Variants in RYR2 observed in about 807,000 individuals in gnomAD.
The protein encoded by RYR2 is ryanodine receptor 2.
In RYR2, 227 loss-of-function variants were observed where a neutral mutation model predicts 601.1. The ratio of observed to expected loss-of-function variants is 0.38; its 90% CI spans 0.34 to 0.42. The LOEUF (loss-of-function observed/expected upper bound fraction) is 0.42. Ranked by LOEUF, RYR2 falls within the 10% of genes least tolerant of loss-of-function variation. The probability of loss-of-function intolerance (pLI) is 1.00; values close to 1 mark genes in which losing one functional copy is unlikely to be tolerated. For missense variants in RYR2, 4,646 were observed against 6,156.5 expected (o/e 0.75, Z 8.21); for synonymous variants, 2,223 against 2,175.1 (o/e 1.02, Z -0.61).
chr1:237,459,534 T>C (rs1418379050), intron 16 of RYR2, among the ~76,000 whole-genome samples: 1 of 152,240 alleles, frequency 6.6e-6, no homozygotes, highest in Non-Finnish European at 1.5e-5. Context: ...CAACTCTTTT[T>C]ATAGTCTCTG....
chr1:237,418,480 C>T (rs1368382982), intron 11 of RYR2, among the ~76,000 whole-genome samples: 1 of 152,164 alleles, frequency 6.6e-6, no homozygotes, highest in Non-Finnish European at 1.5e-5. Context: ...CATTCTTGAA[C>T]ACTGTGAGGT....
rs1043049393 is a variant in RYR2 at position 237,623,694 on chromosome 1, G to A, written c.5917-71G>A. The A allele has an allele frequency of 1.1e-5, 11 of 989,994 alleles. No individual in the cohort carries two copies. The African/African-American group carries it at 1.6e-4, about 14-fold the overall frequency. 61.3% of individuals were successfully genotyped at this position (989,994 alleles called of 1,614,324 possible). A position where few individuals can be genotyped will look rare whatever the true frequency, so the allele number is the denominator to read the frequency against. ...GGCATGAGCCACTCCGCCCGGCCCT[G>A]CTGTGCCATTCTTGAATTCACCTTT... On this transcript the variant is annotated intron_variant, in intron 38 of 104. Transcript: ENST00000366574.
intron 6 of RYR2, among the ~76,000 whole-genome samples, chr1:237,370,723 C>T (rs554790271): frequency 4.6e-4 from 68 of 148,820 alleles, no homozygotes; most frequent in South Asian, 1.1e-3. Context: ...TGCAGTGGCG[C>T]GATCTCGGCT....
intron 3 of RYR2, among the ~76,000 whole-genome samples, chr1:237,342,313 A>ATT (rs201847873): frequency 3.5e-4 from 45 of 130,232 alleles, no homozygotes; most frequent in African/African-American, 1.1e-3. Context: ...TGGCTAATTA[A>ATT]TTTTTTTTTT....
chr1:237,391,235 CTTTA>C (rs1702356007), intron 10 of RYR2, among the ~76,000 whole-genome samples: 1 of 151,996 alleles, frequency 6.6e-6, no homozygotes, highest in African/African-American at 2.4e-5. Flanking sequence ...CGGAAGCAGC[CTTTA>C]TTTATTTGTT....
intron 1 of RYR2, 89 bp from the exon 2 acceptor site, chr1:237,270,408 A>T: frequency 6.6e-7 from 1 of 1,509,174 alleles, no homozygotes; most frequent in Non-Finnish European, 9.0e-7. Flanking sequence ...TTTAAAATGC[A>T]CTAAAATAAT....
intron 3 of RYR2, among the ~76,000 whole-genome samples, chr1:237,355,141 A>T (rs998598685): frequency 6.6e-6 from 1 of 152,170 alleles, no homozygotes; most frequent in Non-Finnish European, 1.5e-5. Context: ...AAACTTTCAT[A>T]CATGAAGGGT....
At position 237,548,573 on chromosome 1, in the gene RYR2, ACTTATGGCAT is replaced by A; in HGVS notation, c.3051_3060del (p.Tyr1018AsnfsTer4). The A allele has an allele frequency of 6.2e-7, 1 of 1,613,958 alleles. No individual in the cohort carries two copies. The highest frequency in any genetic ancestry group is 2.2e-5 in the East Asian group (1 of 44,876). ...GCGGGATCGAATCCGGCAGGGCTGG[ACTTATGGCAT>A]CCAACAGGTACATGGGAATTAGCAT... On this transcript the variant is annotated frameshift_variant, in exon 26 of 105. Coordinates refer to ENST00000366574, the MANE Select transcript of RYR2 (RefSeq NM_001035.3). LOFTEE classifies it high-confidence loss of function.
At chr1:237,776,274 ATAACCAGG>A (rs1694650873) in intron 87 of RYR2, among the ~76,000 whole-genome samples, 1 of 152,164 alleles carries the variant, frequency 6.6e-6, no homozygotes, top group African/African-American at 2.4e-5. Context: ...GGGACTAATT[ATAACCAGG>A]GATGAAGGAA....
rs886042568 is a variant in RYR2, at chr1:237,456,650, C to T, written c.1527C>T (p.Ser509=). The T allele has an allele frequency of 6.2e-7, 1 of 1,611,904 alleles. No homozygotes were observed. Among genetic ancestry groups the T allele is most frequent in the East Asian group, 2.2e-5 (1 of 44,800 alleles). ...LECIDRLHVY[S]SAAHFADVAG... ...GCATAGACCGTTTGCACGTCTACAG[C>T]AGTGCAGCACACTTTGCTGATGTTG... Residue 509 remains serine, a synonymous_variant, in exon 16 of 105, where the codon AGC becomes AGT. Transcript: ENST00000366574.
At chr1:237,711,541 C>T (rs981340018) in intron 70 of RYR2, among the ~76,000 whole-genome samples, 1 of 152,196 alleles carries the variant, frequency 6.6e-6, no homozygotes, top group Admixed American at 6.5e-5. Flanking sequence ...TTGCAATGTG[C>T]ATATTCATAT....
In RYR2 at chr1:237,756,456, C is replaced by T. The variant is rs555738041; in HGVS notation, c.11245+69C>T. The T allele has an allele frequency of 2.9e-6, 3 of 1,017,946 alleles. No individual in the cohort carries two copies. In the African/African-American group the frequency reaches 4.8e-5, roughly 16 times the overall value. 63.1% of individuals were successfully genotyped at this position (1,017,946 alleles called of 1,614,324 possible). On this transcript the variant is annotated intron_variant, in intron 81 of 104. Transcript: ENST00000366574. ...TTTCCTCGTTGCTCTCAAGGTCCTC[C>T]CTCATTTCAATTCCACTGACTCATT...
intron 12 of RYR2, among the ~76,000 whole-genome samples, chr1:237,432,934 A>G (rs1223645955): frequency 6.6e-6 from 1 of 150,738 alleles, no homozygotes; most frequent in East Asian, 1.9e-4. Flanking sequence ...CCTGATTTTC[A>G]GAAGTTTGTA....
chr1:237,714,673 GTTGA>G (rs950106240), intron 71 of RYR2, among the ~76,000 whole-genome samples: 6 of 152,156 alleles, frequency 3.9e-5, no homozygotes, highest in Admixed American at 1.3e-4. Flanking sequence ...AGAAGCAGAG[GTTGA>G]TTGATTGATT....
intron 29 of RYR2, among the ~76,000 whole-genome samples, chr1:237,570,760 C>T (rs763196594): frequency 1.1e-4 from 17 of 152,160 alleles, no homozygotes; most frequent in Non-Finnish European, 2.4e-4. Flanking sequence ...ATATTTCTCT[C>T]ATCACAGAAA....
At chr1:237,435,100 A>G (rs7540869) in intron 12 of RYR2, among the ~76,000 whole-genome samples, 15,782 of 152,226 alleles carry the variant, frequency 0.1, 2,154 homozygotes, top group African/African-American at 0.31. Flanking sequence ...AGACATTTTT[A>G]CTATATTATT....
intron 36 of RYR2, among the ~76,000 whole-genome samples, chr1:237,612,463 G>A (rs1677990132): frequency 6.6e-6 from 1 of 152,032 alleles, no homozygotes; most frequent in African/African-American, 2.4e-5. Context: ...TAAAACAAAA[G>A]AAAATCAAAG....
chr1:237,638,215 G>C (rs781523309), intron 44 of RYR2, 142 bp from the exon 45 acceptor site: 4 of 952,452 alleles, frequency 4.2e-6, no homozygotes, highest in Non-Finnish European at 6.3e-6. Context: ...AGTTCAAGTA[G>C]ATTATCATGA....
intron 4 of RYR2, 63 bp downstream of exon 4, chr1:237,356,048 C>T: frequency 6.8e-7 from 1 of 1,466,720 alleles, no homozygotes; most frequent in Non-Finnish European, 9.4e-7. Context: ...GCTCTCGCCT[C>T]TAATCTTTCA....
Sources: allele counts gnomAD v4.1 joint callset (sites outside exome capture counted in the v4.1 genomes callset), GRCh38; gene constraint gnomAD v4.1.1; transcripts MANE v1.5; gene names NCBI Gene and HGNC (gene_info 2026-07-23, HGNC 2026-07-21).